Variants in KCNK17 observed in about 807,000 individuals in gnomAD.
KCNK17 encodes the protein potassium channel subfamily K member 17.
In KCNK17, 27 loss-of-function variants were observed where a neutral mutation model predicts 24.6. That is an observed-to-expected ratio of 1.10 (90% CI 0.81 to 1.51). The LOEUF is 1.51. KCNK17 is among the 40% of genes most tolerant of loss of function. The probability of loss-of-function intolerance (pLI) is 0.00; values close to 1 mark genes in which losing one functional copy is unlikely to be tolerated. For missense variants in KCNK17, 450 were observed against 436.6 expected, an observed-to-expected ratio of 1.03 and a Z score of -0.27; for synonymous variants, 181 against 189.8, an observed-to-expected ratio of 0.95 and a Z score of 0.38.
chr6:39,306,889 C>T (rs1183310090), intron 2 of KCNK17, among the ~76,000 whole-genome samples: 6 of 151,770 alleles, frequency 4.0e-5, no homozygotes, highest in Admixed American at 1.3e-4. Flanking sequence ...CTCAGCCTCC[C>T]GAGTAGCTGG....
At chr6:39,307,850 T>C (rs1265836251) in intron 2 of KCNK17, among the ~76,000 whole-genome samples, 1 of 152,142 alleles carries the variant, frequency 6.6e-6, no homozygotes, top group Non-Finnish European at 1.5e-5. Context: ...GCAGCTCCTG[T>C]TTCCAACCCT....
rs545962807 is a variant in KCNK17, at chr6:39,303,683, C to A, written c.688+274G>T. 1.5e-3 allele frequency among the ~76,000 whole-genome samples: 231 copies of A among 152,198 alleles called. 4 individuals are homozygous for A. The highest frequency in any genetic ancestry group is 1.2e-3 in the Non-Finnish European group (80 of 68,004). On this transcript the variant is annotated intron_variant, in intron 4 of 4. Coordinates refer to ENST00000373231, the MANE Select transcript of KCNK17 (RefSeq NM_031460.4). ...GGGAGACCCTGGGGCAAGCATGGAC[C>A]CCGGAGGGAGGCGGGGACTCCCGTC...
intron 2 of KCNK17, among the ~76,000 whole-genome samples, chr6:39,310,054 G>A (rs540247209): frequency 6.6e-6 from 1 of 152,336 alleles, no homozygotes; most frequent in South Asian, 2.1e-4. Context: ...GTGTCCTGGA[G>A]AGAGGATCCT....
At chr6:39,303,234 G>T (rs1761973130) in intron 4 of KCNK17, among the ~76,000 whole-genome samples, 1 of 152,228 alleles carries the variant, frequency 6.6e-6, no homozygotes, top group Non-Finnish European at 1.5e-5. Context: ...ATCAGAGGGA[G>T]TGCATGAAGC....
chr6:39,309,954 T>C (rs1199881632), intron 2 of KCNK17, among the ~76,000 whole-genome samples: 1 of 152,340 alleles, frequency 6.6e-6, no homozygotes, highest in African/African-American at 2.4e-5. Context: ...TGAGGTCTGC[T>C]TTCAAGAAGT....
Position 39,299,200 on chromosome 6 carries a change from A to C in KCNK17, c.*227T>G. On this transcript the variant is annotated 3_prime_UTR_variant, in exon 5 of 5. Coordinates refer to ENST00000373231, the MANE Select transcript of KCNK17 (RefSeq NM_031460.4). ...CATATCGGCGGCATTGCAGCCCGCT[A>C]AAGTAAGGAAGTGGGGGAGAAGGGC... is the stretch of plus-strand genomic sequence containing the variant. 2 of 527,708 alleles carry C rather than the reference A, an allele frequency of 3.8e-6. No homozygotes were observed. 32.7% of individuals were successfully genotyped at this position (527,708 alleles called of 1,614,324 possible). A position where few individuals can be genotyped will look rare whatever the true frequency, so the allele number is the denominator to read the frequency against.
chr6:39,309,833 A>C (rs1020708612), intron 2 of KCNK17, among the ~76,000 whole-genome samples: 1 of 152,170 alleles, frequency 6.6e-6, no homozygotes. Flanking sequence ...TTGGGGATGT[A>C]AAGATGAATC....
rs751442862 is a variant in KCNK17 at position 39,299,453 on chromosome 6, C to T, written c.973G>A (p.Ala325Thr). ...TAGCTGTCCTTGCCACAGCCTGCAG[C>T]GTGAGCAGAAGGTTCCAGATGCTGT... ...IIQHLEPSAH[A>T]AGCGKDS is the part of the protein sequence containing the mutation. Residue 325 changes from alanine (A) to threonine (T), a missense_variant, in exon 5 of 5, where the codon GCT becomes ACT. Ala to Thr is a moderately conservative substitution (Grantham distance 58). Coordinates refer to ENST00000373231, the MANE Select transcript of KCNK17 (RefSeq NM_031460.4). The T allele has an allele frequency of 3.2e-5, 51 of 1,613,652 alleles. No individual in the cohort carries two copies. The East Asian group carries it at 6.7e-4, about 21-fold the overall frequency.
At position 39,304,538 on chromosome 6, in the gene KCNK17, T is replaced by C; in HGVS notation, c.470A>G (p.Gln157Arg). ...VLNRLGHLMQ[Q>R]GVNHWASRLG... Reference sequence around the variant, plus strand: ...CCTGCTGGCCCAGTGGTTTACTCCCTGCTGCATGAGATGCCCCAGTCGGTT... The same window carrying C: ...CCTGCTGGCCCAGTGGTTTACTCCCCGCTGCATGAGATGCCCCAGTCGGTT... Residue 157 changes from glutamine (Q) to arginine (R), a missense_variant, in exon 3 of 5, where the codon CAG becomes CGG. Transcript: ENST00000373231. 2 of 1,614,120 alleles carry C rather than the reference T, an allele frequency of 1.2e-6. No homozygotes were observed. The highest frequency in any genetic ancestry group is 8.5e-7 in the Non-Finnish European group (1 of 1,179,990).
intron 2 of KCNK17, among the ~76,000 whole-genome samples, chr6:39,307,798 C>G (rs563776223): frequency 1.3e-4 from 20 of 152,306 alleles, no homozygotes; most frequent in Admixed American, 1.3e-3. Context: ...AAGAACCCTA[C>G]AAGTCTATCT....
intron 4 of KCNK17, among the ~76,000 whole-genome samples, chr6:39,302,964 G>A (rs1030288897): frequency 1.3e-5 from 2 of 152,144 alleles, no homozygotes; most frequent in African/African-American, 4.8e-5. Flanking sequence ...GGCCCAGAGA[G>A]GAGACATTTT....
intron 4 of KCNK17, among the ~76,000 whole-genome samples, chr6:39,303,402 G>A: frequency 6.6e-6 from 1 of 152,208 alleles, no homozygotes; most frequent in Non-Finnish European, 1.5e-5. Flanking sequence ...ATGCAAGGCT[G>A]GTGGCTTCTA....
rs1198177611 is a variant in KCNK17, at chr6:39,314,064, C to G, written c.237+20G>C. 1 of 1,541,680 alleles carries G rather than the reference C, an allele frequency of 6.5e-7. No homozygotes were observed. Among genetic ancestry groups the G allele is most frequent in the Admixed American group, 1.8e-5 (1 of 54,988 alleles). ...CTACCCCATCCCGCCGCGCCCAGGCCGACGCCGCTCGCCCCTGACCCGGAT... is the reference window on the plus strand; with the variant it reads ...CTACCCCATCCCGCCGCGCCCAGGCGGACGCCGCTCGCCCCTGACCCGGAT... On this transcript the variant is annotated intron_variant, in intron 1 of 4. Transcript: ENST00000373231.
Position 39,299,397 on chromosome 6 carries a change from C to G in KCNK17, c.*30G>C. The G allele has an allele frequency of 1.3e-6, 2 of 1,560,746 alleles. No homozygotes were observed. The highest frequency in any genetic ancestry group is 1.4e-5 in the African/African-American group (1 of 73,798). ...AGCTTAAAATCAGGGGTCTTGCTAC[C>G]GAGGACGACGACCAAAGAATGGAGT... On this transcript the variant is annotated 3_prime_UTR_variant, in exon 5 of 5. Transcript: ENST00000373231.
chr6:39,313,733 G>C (rs1463084759), intron 1 of KCNK17, among the ~76,000 whole-genome samples: 2 of 106,110 alleles, frequency 1.9e-5, no homozygotes. Context: ...GGCGGGGCCG[G>C]TTACGCGCGC....
intron 4 of KCNK17, among the ~76,000 whole-genome samples, chr6:39,303,646 T>C (rs574659547): frequency 6.7e-6 from 1 of 150,014 alleles, no homozygotes; most frequent in African/African-American, 2.5e-5. Context: ...AGGGAGAGAG[T>C]GAAGTGGGGA....
chr6:39,309,901 A>C (rs1411251176), intron 2 of KCNK17, among the ~76,000 whole-genome samples: 1 of 152,142 alleles, frequency 6.6e-6, no homozygotes, highest in Non-Finnish European at 1.5e-5. Context: ...GATGCCTCCC[A>C]AGCATGCTTG....
At chr6:39,311,669 C>A (rs902572439) in intron 1 of KCNK17, among the ~76,000 whole-genome samples, 1 of 152,092 alleles carries the variant, frequency 6.6e-6, no homozygotes, top group African/African-American at 2.4e-5. Context: ...ATTATATAGG[C>A]ATATAATGTT....
intron 4 of KCNK17, among the ~76,000 whole-genome samples, chr6:39,301,833 T>C (rs986580195): frequency 1.3e-5 from 2 of 152,108 alleles, no homozygotes; most frequent in African/African-American, 4.8e-5. Context: ...TGCAGGGATG[T>C]GAACACCCAG....
Sources: gnomAD v4.1 joint callset for allele counts (sites outside exome capture counted in the v4.1 genomes callset) on GRCh38, gnomAD v4.1.1 for gene constraint, MANE v1.5 for transcripts, NCBI Gene and HGNC (gene_info 2026-07-23, HGNC 2026-07-21) for gene names.